The following ZNF131 variants were observed in gnomAD, a reference collection of about 807,000 sequenced individuals.
ZNF131 encodes zinc finger and BTB domain containing 35, also known as zinc finger protein 131.
A neutral mutation model predicts 60.0 loss-of-function variants in ZNF131; 7 were observed. That is an observed-to-expected ratio of 0.12 (90% CI 0.07 to 0.22). The LOEUF is 0.22. ZNF131 is among the 10% of genes least tolerant of loss of function. ZNF131 has a pLI of 1.00. For synonymous variants in ZNF131, 257 were observed against 253.2 expected (o/e 1.01, Z -0.14); for missense variants, 493 against 740.9 (o/e 0.67, Z 3.88).
At chr5:43,167,474 C>T (rs527290464) in intron 5 of ZNF131, among the ~76,000 whole-genome samples, 3 of 152,118 alleles carry the variant, frequency 2.0e-5, no homozygotes, top group Non-Finnish European at 4.4e-5. Flanking sequence ...GGAGACAGTC[C>T]TCTTCCTGTT....
At chr5:43,133,790 G>A (rs1325024419) in intron 3 of ZNF131, among the ~76,000 whole-genome samples, 1 of 152,162 alleles carries the variant, frequency 6.6e-6, no homozygotes, top group Non-Finnish European at 1.5e-5. Flanking sequence ...CACATGCTTA[G>A]TGTTCAAATA....
At chr5:43,130,612 T>C (rs1459692263) in intron 3 of ZNF131, among the ~76,000 whole-genome samples, 1 of 152,180 alleles carries the variant, frequency 6.6e-6, no homozygotes, top group Non-Finnish European at 1.5e-5. Flanking sequence ...TTGCCCAGGC[T>C]GGAGTGCAAT....
At chr5:43,122,805 A>G (rs981813870) in intron 2 of ZNF131, among the ~76,000 whole-genome samples, 1 of 152,228 alleles carries the variant, frequency 6.6e-6, no homozygotes, top group Non-Finnish European at 1.5e-5. Flanking sequence ...TGTTTTTCAT[A>G]GCAGACATAT....
intron 4 of ZNF131, among the ~76,000 whole-genome samples, chr5:43,142,691 GGGTTT>G (rs1747015188): frequency 7.9e-6 from 1 of 127,080 alleles, no homozygotes; most frequent in African/African-American, 3.0e-5. Context: ...TGATTTGTTT[GGGTTT>G]GGTTTGGTTT....
At chr5:43,149,162 T>G (rs1233634136) in intron 4 of ZNF131, among the ~76,000 whole-genome samples, 2 of 151,802 alleles carry the variant, frequency 1.3e-5, no homozygotes, top group Non-Finnish European at 2.9e-5. Flanking sequence ...TCCCAGCTAC[T>G]CGGGAGGCTG....
At chr5:43,160,979 C>A (rs1363508658) in intron 4 of ZNF131, among the ~76,000 whole-genome samples, 1 of 152,182 alleles carries the variant, frequency 6.6e-6, no homozygotes, top group Non-Finnish European at 1.5e-5. Flanking sequence ...CTGCACCTGA[C>A]TGGCACCTTT....
At chr5:43,122,216 T>G (rs779516968) in intron 2 of ZNF131, 39 bp downstream of exon 2, 1 of 1,577,122 alleles carries the variant, frequency 6.3e-7, no homozygotes, top group Non-Finnish European at 8.6e-7. Context: ...ATTTTTGGCT[T>G]CAGTTTTTTT....
intron 4 of ZNF131, among the ~76,000 whole-genome samples, chr5:43,150,411 C>A (rs144580456): frequency 2.0e-5 from 3 of 152,118 alleles, no homozygotes; most frequent in Non-Finnish European, 4.4e-5. Context: ...GTTCCATATC[C>A]TTGTTTCTGT....
Position 43,129,181 on chromosome 5 carries a change from G to A in ZNF131, c.226+5871G>A, listed in dbSNP as rs1291963503. ...AAACTCCTGACCTAAAGTGATCTGC[G>A]TGCTTCAGCCTCCCAAAGTGCTGGT... is the stretch of plus-strand genomic sequence containing the variant. On this transcript the variant is annotated intron_variant, in intron 3 of 6. Coordinates refer to ENST00000682664, the MANE Select transcript of ZNF131 (RefSeq NM_001330707.2). 3.3e-5 allele frequency among the ~76,000 whole-genome samples: 5 copies of A among 151,942 alleles called. No individual in the cohort carries two copies. The East Asian group carries it at 5.8e-4, about 18-fold the overall frequency.
intron 4 of ZNF131, among the ~76,000 whole-genome samples, chr5:43,157,816 GTTTC>G (rs1162970292): frequency 6.6e-6 from 1 of 152,166 alleles, no homozygotes; most frequent in African/African-American, 2.4e-5. Context: ...GCGAAAAGGT[GTTTC>G]TTGGCTTATG....
Position 43,120,915 on chromosome 5 carries a change from G to GGGCCGC in ZNF131, c.-217_-212dup, listed in dbSNP as rs1188529084. 18 of 152,304 alleles carry GGGCCGC rather than the reference G, an allele frequency of 1.2e-4. No individual in the cohort carries two copies. The highest frequency in any genetic ancestry group is 4.3e-4 in the African/African-American group (18 of 41,582). The allele number at this position is 152,304 out of a possible 1,614,324, so 9.4% of individuals were successfully genotyped here. A position where few individuals can be genotyped will look rare whatever the true frequency, so the allele number is the denominator to read the frequency against. On this transcript the variant is annotated 5_prime_UTR_variant, in exon 1 of 7. Transcript: ENST00000682664. ...CTCGCGCCCGTAGCTGCCGCTGCCG[G>GGGCCGC]GGCCGCGGCCGCCCGGGTGCCCAAC...
intron 3 of ZNF131, among the ~76,000 whole-genome samples, chr5:43,130,121 G>A (rs940430951): frequency 2.0e-5 from 3 of 151,380 alleles, no homozygotes; most frequent in Non-Finnish European, 4.4e-5. Context: ...AAAATTAGCC[G>A]GACATGGCAG....
chr5:43,151,152 A>C (rs1748257411), intron 4 of ZNF131, among the ~76,000 whole-genome samples: 1 of 152,230 alleles, frequency 6.6e-6, no homozygotes, highest in Non-Finnish European at 1.5e-5. Context: ...TGAAGCTGAC[A>C]TAAATGCCTT....
chr5:43,170,599 C>CCCCA (rs1217603539), intron 5 of ZNF131, among the ~76,000 whole-genome samples: 1 of 152,088 alleles, frequency 6.6e-6, no homozygotes, highest in Non-Finnish European at 1.5e-5. Context: ...ATCTTCCAAC[C>CCCCA]CCCAACTTAC....
At chr5:43,145,312 C>T (rs1038897038) in intron 4 of ZNF131, among the ~76,000 whole-genome samples, 1 of 152,024 alleles carries the variant, frequency 6.6e-6, no homozygotes, top group African/African-American at 2.4e-5. Context: ...GATCTGAGTT[C>T]AGAGGTCATA....
intron 4 of ZNF131, among the ~76,000 whole-genome samples, chr5:43,144,978 G>C (rs1056550812): frequency 2.0e-5 from 3 of 151,564 alleles, no homozygotes; most frequent in Non-Finnish European, 4.4e-5. Context: ...CTATTATTCT[G>C]TATTTTTATG....
rs372607840 is a variant in ZNF131, at chr5:43,174,904, T to C, written c.1643T>C (p.Val548Ala). Residue 548 changes from valine (V) to alanine (A), a missense_variant, in exon 7 of 7, where the codon GTC becomes GCC. Val to Ala is a moderately conservative substitution (Grantham distance 64). Transcript: ENST00000682664. Reference protein sequence around the residue: ...VHVEELHVERVNQMPVEVQTE... With the variant: ...VHVEELHVERANQMPVEVQTE... ...GTAGAGGAGCTGCATGTTGAACGGG[T>C]CAATCAAATGCCAGTGGAAGTACAA... 2 of 1,613,908 alleles carry C rather than the reference T, an allele frequency of 1.2e-6. No homozygotes were observed. Among genetic ancestry groups the C allele is most frequent in the Non-Finnish European group, 1.7e-6 (2 of 1,180,016 alleles).
chr5:43,160,333 A>C (rs1330476387), intron 4 of ZNF131, among the ~76,000 whole-genome samples: 1 of 151,924 alleles, frequency 6.6e-6, no homozygotes, highest in Non-Finnish European at 1.5e-5. Context: ...TGAGACCTCG[A>C]TTCTATCAAA....
At chr5:43,132,226 C>T (rs1012067847) in intron 3 of ZNF131, among the ~76,000 whole-genome samples, 1 of 152,132 alleles carries the variant, frequency 6.6e-6, no homozygotes, top group Admixed American at 6.6e-5. Flanking sequence ...TTGGGCTACT[C>T]TCATATACTA....
Sources: allele counts gnomAD v4.1 joint callset (sites outside exome capture counted in the v4.1 genomes callset), GRCh38; gene constraint gnomAD v4.1.1; transcripts MANE v1.5; gene names NCBI Gene and HGNC (gene_info 2026-07-23, HGNC 2026-07-21).